The following WWP2 variants were observed in gnomAD, a reference collection of about 807,000 sequenced individuals.
The protein encoded by WWP2 is NEDD4-like E3 ubiquitin-protein ligase WWP2.
Under a neutral mutation model 121.0 loss-of-function variants are expected in WWP2, and 57 were observed. That is an observed-to-expected ratio of 0.47 (90% CI 0.38 to 0.59). The LOEUF is 0.59. Ranked by LOEUF, WWP2 falls within the 20% of genes least tolerant of loss-of-function variation. The pLI is 0.00. For synonymous variants in WWP2, 449 were observed against 441.3 expected (o/e 1.02, Z -0.22); for missense variants, 962 against 1,158.9 (o/e 0.83, Z 2.47).
chr16:69,933,992 C>T lies in WWP2; in HGVS notation c.1705C>T (p.His569Tyr), dbSNP rs1466567410. The T allele has an allele frequency of 6.2e-7, 1 of 1,614,048 alleles. No individual in the cohort carries two copies. The highest frequency in any genetic ancestry group is 8.5e-7 in the Non-Finnish European group (1 of 1,179,934). Reference protein sequence around the residue: ...IAREWFFLLSHEVLNPMYCLF... With the variant: ...IAREWFFLLSYEVLNPMYCLF... ...CAGAGAGTGGTTTTTCCTCCTGTCT[C>T]ATGAGGTGCTCAACCCTATGTATTG... Residue 569 changes from histidine (H) to tyrosine (Y), a missense_variant, in exon 17 of 24, where the codon CAT (histidine) becomes TAT (tyrosine). His to Tyr is a moderately conservative substitution (Grantham distance 83). Transcript: ENST00000359154.
chr16:69,933,882 G>A (rs2151994843), intron 16 of WWP2, 88 bp from the exon 17 acceptor site: 1 of 1,485,338 alleles, frequency 6.7e-7, no homozygotes, highest in East Asian at 2.3e-5. Context: ...ATACTAACCT[G>A]AGACACGATG....
intron 1 of WWP2, among the ~76,000 whole-genome samples, chr16:69,782,657 T>A (rs2055688289): frequency 6.6e-6 from 1 of 152,176 alleles, no homozygotes; most frequent in Non-Finnish European, 1.5e-5. Flanking sequence ...GTAAAATGCT[T>A]ATTACAGACT....
chr16:69,858,813 C>T (rs1292794532), intron 6 of WWP2, among the ~76,000 whole-genome samples: 1 of 152,180 alleles, frequency 6.6e-6, no homozygotes, highest in Non-Finnish European at 1.5e-5. Context: ...GGTAATATCT[C>T]ATTTATACTA....
At chr16:69,911,724 A>G (rs534289251) in intron 9 of WWP2, among the ~76,000 whole-genome samples, 1 of 152,320 alleles carries the variant, frequency 6.6e-6, no homozygotes, top group South Asian at 2.1e-4. Context: ...TGGCTTGAAC[A>G]TGTGTTTATT....
chr16:69,799,380 C>T lies in WWP2; in HGVS notation c.340+85C>T. Reference sequence around the variant, plus strand: ...GATCAACCTGGTATTGCAATTTCCCCCAGGACTAGGGGCTGCAGTACCTCT... The same window carrying T: ...GATCAACCTGGTATTGCAATTTCCCTCAGGACTAGGGGCTGCAGTACCTCT... On this transcript the variant is annotated intron_variant, in intron 4 of 23. Transcript: ENST00000359154. This position sits in a 1 kb window ranked among gnomAD's most constrained non-coding sequence, Gnocchi z 4.5. 2 of 1,536,716 alleles carry T rather than the reference C, an allele frequency of 1.3e-6. No individual in the cohort carries two copies. The highest frequency in any genetic ancestry group is 8.8e-7 in the Non-Finnish European group (1 of 1,139,732).
chr16:69,786,640 G>A (rs1238532003), intron 1 of WWP2, among the ~76,000 whole-genome samples: 2 of 151,522 alleles, frequency 1.3e-5, no homozygotes, highest in African/African-American at 4.9e-5. Flanking sequence ...TAGTAGAGAC[G>A]GGGTTTTGCC....
At chr16:69,843,681 C>A (rs2057019285) in intron 6 of WWP2, among the ~76,000 whole-genome samples, 1 of 151,838 alleles carries the variant, frequency 6.6e-6, no homozygotes, top group South Asian at 2.1e-4. Context: ...CCAGCCTGGG[C>A]AACCTAGGGA....
chr16:69,800,009 T>C (rs954805588), intron 4 of WWP2, among the ~76,000 whole-genome samples: 1 of 151,784 alleles, frequency 6.6e-6, no homozygotes, highest in African/African-American at 2.4e-5. Context: ...TCTCTTGATA[T>C]CTGGAAAGTA....
intron 1 of WWP2, among the ~76,000 whole-genome samples, chr16:69,768,313 A>G (rs1288418844): frequency 1.3e-5 from 2 of 152,208 alleles, no homozygotes; most frequent in Non-Finnish European, 2.9e-5. Flanking sequence ...AATAATAACT[A>G]TTAGGAAAAT....
intron 4 of WWP2, among the ~76,000 whole-genome samples, chr16:69,828,453 G>C (rs1399534466): frequency 6.6e-6 from 1 of 152,132 alleles, no homozygotes; most frequent in Non-Finnish European, 1.5e-5. Context: ...CACAACCTCT[G>C]CCTCCCTAGT....
intron 15 of WWP2, 30 bp downstream of exon 15, chr16:69,931,610 A>G: frequency 6.2e-7 from 1 of 1,613,600 alleles, no homozygotes; most frequent in Non-Finnish European, 8.5e-7. Flanking sequence ...AACCAGTGGC[A>G]GGCCGACGCC....
At chr16:69,820,244 GTTA>G (rs1205442067) in intron 4 of WWP2, among the ~76,000 whole-genome samples, 7 of 151,902 alleles carry the variant, frequency 4.6e-5, no homozygotes, top group Non-Finnish European at 1.5e-5. Context: ...TTTATTTTTT[GTTA>G]TTATTATTTT....
chr16:69,889,304 T>C (rs1304962868), intron 8 of WWP2, among the ~76,000 whole-genome samples: 1 of 152,186 alleles, frequency 6.6e-6, no homozygotes, highest in Non-Finnish European at 1.5e-5. Flanking sequence ...CAGCCTGGAC[T>C]ATGAAGCGAG....
chr16:69,921,188 A>G (rs1054909791), intron 10 of WWP2, among the ~76,000 whole-genome samples: 28 of 152,156 alleles, frequency 1.8e-4, no homozygotes, highest in African/African-American at 4.3e-4. Flanking sequence ...TCTGCTTTCA[A>G]TGTCTCTCTG....
chr16:69,816,808 T>G (rs1259657935), intron 4 of WWP2, among the ~76,000 whole-genome samples: 1 of 152,056 alleles, frequency 6.6e-6, no homozygotes, highest in East Asian at 1.9e-4. Context: ...TATACACACA[T>G]GCACACACAT....
intron 8 of WWP2, among the ~76,000 whole-genome samples, chr16:69,907,618 TTGTCAGAC>T (rs2058314216): frequency 6.6e-6 from 1 of 152,228 alleles, no homozygotes; most frequent in Admixed American, 6.5e-5. Context: ...AGTAGAGTTA[TTGTCAGAC>T]TGCATGCAAA....
chr16:69,890,796 T>C (rs949642674), intron 8 of WWP2: 16 of 152,194 alleles, frequency 1.1e-4, no homozygotes, highest in African/African-American at 3.6e-4. Flanking sequence ...AAAACGCTCT[T>C]TATTCTAAGT....
chr16:69,768,995 G>A (rs2055357087), intron 1 of WWP2, among the ~76,000 whole-genome samples: 1 of 152,176 alleles, frequency 6.6e-6, no homozygotes, highest in African/African-American at 2.4e-5. Context: ...AGAATCTTTT[G>A]GACAGAGCTT....
intron 4 of WWP2, among the ~76,000 whole-genome samples, chr16:69,829,300 G>A (rs904590073): frequency 6.6e-6 from 1 of 152,142 alleles, no homozygotes; most frequent in African/African-American, 2.4e-5. Context: ...AAGCCAGAAT[G>A]ATTATTAATC....
Sources: gnomAD v4.1 joint callset for allele counts (sites outside exome capture counted in the v4.1 genomes callset) on GRCh38, gnomAD v4.1.1 for gene constraint, Gnocchi (gnomAD v3.1) non-coding constraint, MANE v1.5 for transcripts, NCBI Gene and HGNC (gene_info 2026-07-23, HGNC 2026-07-21) for gene names.